NPAS3: variants seen among roughly 807,000 people sequenced by gnomAD.
NPAS3 encodes the protein neuronal PAS domain-containing protein 3.
NPAS3 carries 14 observed loss-of-function variants against 73.1 expected under a neutral mutation model. That is an observed-to-expected ratio of 0.19 (90% CI 0.13 to 0.30). The LOEUF (loss-of-function observed/expected upper bound fraction) is 0.30, where lower values mean the gene tolerates loss of function less well. Among genes scored for constraint, NPAS3 ranks in the 10% least tolerant of loss-of-function variants. NPAS3 has a pLI of 1.00. For missense variants in NPAS3, 1,096 were observed against 1,250.0 expected (o/e 0.88, Z 1.86); for synonymous variants, 620 against 541.5 (o/e 1.14, Z -2.01).
intron 5 of NPAS3, among the ~76,000 whole-genome samples, chr14:33,656,602 G>A (rs74042363): frequency 4.0e-4 from 61 of 152,280 alleles, no homozygotes; most frequent in African/African-American, 1.4e-3. Flanking sequence ...GTGTGTATTT[G>A]AGGTGTATAG....
intron 2 of NPAS3, among the ~76,000 whole-genome samples, chr14:33,104,366 G>A (rs979787869): frequency 6.6e-6 from 1 of 152,122 alleles, no homozygotes; most frequent in African/African-American, 2.4e-5. Context: ...CAGTTCATGT[G>A]GGTAAAAGTC....
chr14:33,291,207 G>T (rs779780603), intron 3 of NPAS3, among the ~76,000 whole-genome samples: 2 of 152,134 alleles, frequency 1.3e-5, no homozygotes, highest in African/African-American at 4.8e-5. Flanking sequence ...GAGCTTAAAA[G>T]TATATCAGCT....
rs554750570 is a variant in NPAS3, at chr14:33,575,309, AT to A, written c.558+15105del. Among the ~76,000 whole-genome samples, 622 of 152,258 alleles carry A rather than the reference AT, an allele frequency of 4.1e-3. 8 individuals carry two copies. Among genetic ancestry groups the A allele is most frequent in the African/African-American group, 0.014 (592 of 41,536 alleles). ...TTCATAGATCGTATTCATTGTTCCT[AT>A]TTTTTAACTCTGATAATTTGAGTTG... On this transcript the variant is annotated intron_variant, in intron 5 of 11. Transcript: ENST00000356141.
chr14:33,218,444 A>C (rs1435729853), intron 3 of NPAS3, among the ~76,000 whole-genome samples: 1 of 152,192 alleles, frequency 6.6e-6, no homozygotes, highest in Non-Finnish European at 1.5e-5. Flanking sequence ...CTGATCAAAC[A>C]TTCATAAAAC....
intron 3 of NPAS3, among the ~76,000 whole-genome samples, chr14:33,357,337 T>A (rs1052551072): frequency 4.6e-5 from 7 of 152,194 alleles, no homozygotes; most frequent in Admixed American, 4.6e-4. Flanking sequence ...GAAAATTCAG[T>A]GGGCAGTTGC....
intron 3 of NPAS3, among the ~76,000 whole-genome samples, chr14:33,246,537 CAAAAAAAA>C (rs56270689): frequency 9.7e-6 from 1 of 103,204 alleles, no homozygotes; most frequent in Non-Finnish European, 1.9e-5. Context: ...GACTTCATCT[CAAAAAAAA>C]AAAAAAAAAA....
At chr14:33,216,299 G>A (rs2047220972) in intron 3 of NPAS3, among the ~76,000 whole-genome samples, 1 of 152,258 alleles carries the variant, frequency 6.6e-6, no homozygotes, top group East Asian at 1.9e-4. Flanking sequence ...GGAAGAATTA[G>A]CTTCTTTTGT....
At chr14:33,739,730 G>A (rs1470881862) in intron 7 of NPAS3, among the ~76,000 whole-genome samples, 1 of 152,100 alleles carries the variant, frequency 6.6e-6, no homozygotes, top group Non-Finnish European at 1.5e-5. Context: ...TTGATTGCAG[G>A]TTACAAAACC....
chr14:33,523,449 C>T, intron 4 of NPAS3, among the ~76,000 whole-genome samples: 1 of 115,604 alleles, frequency 8.7e-6, no homozygotes, highest in Admixed American at 9.4e-5. Context: ...GAGACTCTGT[C>T]TCAAAAAAAA....
chr14:33,771,910 C>T (rs2062666167), intron 7 of NPAS3, among the ~76,000 whole-genome samples: 1 of 152,094 alleles, frequency 6.6e-6, no homozygotes, highest in Admixed American at 6.5e-5. Context: ...TTAAACAAGA[C>T]ATGGAAACAT....
intron 2 of NPAS3, among the ~76,000 whole-genome samples, chr14:33,148,007 A>G (rs565046199): frequency 1.3e-5 from 2 of 152,164 alleles, no homozygotes; most frequent in South Asian, 2.1e-4. Context: ...AAATAGCAAG[A>G]AGCAGAGTCT....
intron 3 of NPAS3, among the ~76,000 whole-genome samples, chr14:33,273,120 C>T (rs1441129910): frequency 6.6e-6 from 1 of 152,156 alleles, no homozygotes; most frequent in East Asian, 1.9e-4. Flanking sequence ...GGCTGGTCTG[C>T]ACAGTGTGTG....
rs529137349 is a variant in NPAS3, at chr14:33,263,226, TTTC to T, written c.385+47805_385+47807del. Among the ~76,000 whole-genome samples the T allele has an allele frequency of 9.6e-3, 1,458 of 152,318 alleles. 34 individuals are homozygous for T. Among genetic ancestry groups the T allele is most frequent in the African/African-American group, 0.034 (1,394 of 41,570 alleles). On this transcript the variant is annotated intron_variant, in intron 3 of 11. Coordinates refer to ENST00000356141, the Ensembl canonical transcript of NPAS3. ...GTGTCCTGAATGGTATTGCCTAGGT[TTTC>T]TTCTAGAGTTTTTATGGTTTTAGGT... is the stretch of plus-strand genomic sequence containing the variant.
At chr14:33,412,420 G>A (rs898620323) in intron 4 of NPAS3, among the ~76,000 whole-genome samples, 8 of 152,048 alleles carry the variant, frequency 5.3e-5, no homozygotes, top group Non-Finnish European at 8.8e-5. Context: ...ACACCTGGCC[G>A]GATTTTATTT....
At chr14:33,056,079 G>A in intron 2 of NPAS3, 85 bp downstream of exon 2, 5 of 573,356 alleles carry the variant, frequency 8.7e-6, no homozygotes, top group Middle Eastern at 2.7e-4. Flanking sequence ...TCCTTGTATT[G>A]AAACCTTCTT....
At chr14:33,163,730 GA>G (rs1178780788) in intron 2 of NPAS3, among the ~76,000 whole-genome samples, 2 of 150,890 alleles carry the variant, frequency 1.3e-5, no homozygotes, top group Middle Eastern at 3.4e-3. Flanking sequence ...AGATGACTTG[GA>G]AAAAAGGCTA....
At chr14:33,791,627 A>T (rs1476963273) in intron 9 of NPAS3, among the ~76,000 whole-genome samples, 1 of 152,222 alleles carries the variant, frequency 6.6e-6, no homozygotes, top group Non-Finnish European at 1.5e-5. Flanking sequence ...GGATTTTATT[A>T]AGAGAAAGTA....
intron 4 of NPAS3, among the ~76,000 whole-genome samples, chr14:33,408,307 C>G (rs2047757842): frequency 6.6e-6 from 1 of 152,122 alleles, no homozygotes; most frequent in South Asian, 2.1e-4. Flanking sequence ...TTGGTTAAGA[C>G]AAGATGAGAA....
At chr14:33,147,731 ATAT>A (rs951864486) in intron 2 of NPAS3, among the ~76,000 whole-genome samples, 24 of 33,584 alleles carry the variant, frequency 7.1e-4, no homozygotes, top group African/African-American at 1.4e-3. Flanking sequence ...AGAATAAAAA[ATAT>A]ATATATATAT....
Sources: allele counts gnomAD v4.1 joint callset (sites outside exome capture counted in the v4.1 genomes callset), GRCh38; gene constraint gnomAD v4.1.1; transcripts MANE v1.5; gene names NCBI Gene and HGNC (gene_info 2026-07-23, HGNC 2026-07-21).